MCF2L: variants seen among roughly 807,000 people sequenced by gnomAD.
The protein encoded by MCF2L is guanine nucleotide exchange factor DBS.
MCF2L carries 97 observed loss-of-function variants against 153.4 expected under a neutral mutation model. The ratio of observed to expected loss-of-function variants is 0.63; its 90% CI spans 0.54 to 0.75. The LOEUF is 0.75. Ranked by LOEUF, MCF2L falls within the 30% of genes least tolerant of loss-of-function variation. The pLI is 0.00. For missense variants in MCF2L, 1,347 were observed against 1,495.2 expected (o/e 0.90, Z 1.64); for synonymous variants, 659 against 632.2 (o/e 1.04, Z -0.64).
intron 1 of MCF2L, among the ~76,000 whole-genome samples, chr13:112,981,575 C>T (rs752938342): frequency 6.6e-6 from 1 of 152,190 alleles, no homozygotes; most frequent in African/African-American, 2.4e-5. Context: ...CTGGGTGGAG[C>T]GGCCTCCGCG....
chr13:113,047,408 T>G (rs2141558319), intron 4 of MCF2L: 1 of 152,314 alleles, frequency 6.6e-6, no homozygotes, highest in South Asian at 2.1e-4. Context: ...TAGGCAACTC[T>G]AAAAATTAAA....
chr13:113,077,788 C>T lies in MCF2L; in HGVS notation c.1661-575C>T, dbSNP rs943018714. On this transcript the variant is annotated intron_variant, in intron 13 of 29. Coordinates refer to ENST00000535094, the MANE Select transcript of MCF2L (RefSeq NM_001112732.3). ...CGCCACCTCTGTGTCTCAAAACGAA[C>T]CCTCTTCCCATCCTTGCTGGTTTCT... is the stretch of plus-strand genomic sequence containing the variant. Among the ~76,000 whole-genome samples the T allele has an allele frequency of 2.6e-5, 4 of 152,226 alleles. No individual in the cohort carries two copies. The East Asian group carries it at 7.7e-4, about 29-fold the overall frequency.
chr13:112,914,525 G>C (rs1054123253), intron 2 of MCF2L, among the ~76,000 whole-genome samples: 2 of 152,218 alleles, frequency 1.3e-5, no homozygotes, highest in African/African-American at 4.8e-5. Flanking sequence ...AAGAATAAAG[G>C]CTTTTTGACA....
rs150738778 is a variant in MCF2L at position 112,917,041 on chromosome 13, C to T, written c.169+14670C>T. ...CTCATCGCCAAGTCTGAGTTCTCCC[C>T]GGATTCCTGTCAACTCAAAGGTGCT... On this transcript the variant is annotated intron_variant, in intron 2 of 29. Coordinates refer to the MCF2L transcript ENST00000375608. The T allele has an allele frequency of 1.1e-3, 535 of 470,426 alleles. 1 individual carries two copies. The highest frequency in any genetic ancestry group is 2.3e-3 in the African/African-American group (116 of 50,182). 29.1% of individuals were successfully genotyped at this position (470,426 alleles called of 1,614,324 possible). A position where few individuals can be genotyped will look rare whatever the true frequency, so the allele number is the denominator to read the frequency against.
At chr13:113,082,363 GC>G in intron 16 of MCF2L, 63 bp from the exon 17 acceptor site, 2 of 945,532 alleles carry the variant, frequency 2.1e-6, no homozygotes, top group African/African-American at 1.6e-5. Context: ...GGCATCCCTG[GC>G]CCACCTGCCC....
intron 26 of MCF2L, chr13:113,091,018 G>A (rs868461274): frequency 1.9e-5 from 24 of 1,278,770 alleles, no homozygotes; most frequent in South Asian, 1.0e-4. Flanking sequence ...CCACAACGTC[G>A]GTGTCCCCTT....
intron 2 of MCF2L, among the ~76,000 whole-genome samples, chr13:113,019,591 C>T (rs1237441184): frequency 1.3e-5 from 2 of 152,212 alleles, no homozygotes; most frequent in African/African-American, 2.4e-5. Context: ...CAGAGTCGCA[C>T]GTGCTCCTTT....
At chr13:112,920,221 G>A (rs1279716573) in intron 2 of MCF2L, among the ~76,000 whole-genome samples, 3 of 152,220 alleles carry the variant, frequency 2.0e-5, no homozygotes, top group Admixed American at 6.5e-5. Context: ...TGGCGGAGAG[G>A]TGGGAGGAGG....
At chr13:112,970,247 A>G (rs2081992445) in intron 1 of MCF2L, among the ~76,000 whole-genome samples, 1 of 152,198 alleles carries the variant, frequency 6.6e-6, no homozygotes, top group Non-Finnish European at 1.5e-5. Context: ...GTTATGTCAT[A>G]TATGCCATTA....
intron 2 of MCF2L, among the ~76,000 whole-genome samples, chr13:112,948,329 T>C (rs1166195061): frequency 6.6e-6 from 1 of 152,234 alleles, no homozygotes; most frequent in Non-Finnish European, 1.5e-5. Context: ...TTTTTAAATC[T>C]TTATATTCTG....
At chr13:112,899,518 C>T (rs539364278) in intron 1 of MCF2L, among the ~76,000 whole-genome samples, 57 of 152,344 alleles carry the variant, frequency 3.7e-4, no homozygotes, top group Admixed American at 7.8e-4. Flanking sequence ...GGAGAAACAG[C>T]AGTTTCCAGA....
intron 17 of MCF2L, among the ~76,000 whole-genome samples, chr13:113,082,830 C>T (rs521720): frequency 0.79 from 120,353 of 152,050 alleles, 48,638 homozygotes; most frequent in East Asian, 1. Context: ...TTTTGTGGTG[C>T]AGGAAATGGG....
intron 2 of MCF2L, among the ~76,000 whole-genome samples, chr13:113,017,699 G>A (rs1467136776): frequency 6.6e-6 from 1 of 151,928 alleles, no homozygotes; most frequent in African/African-American, 2.4e-5. Flanking sequence ...CGCTCCACTC[G>A]AAGGAAACAC....
chr13:113,091,567 C>T (rs557821511), intron 26 of MCF2L, among the ~76,000 whole-genome samples: 12 of 152,334 alleles, frequency 7.9e-5, no homozygotes, highest in African/African-American at 2.9e-4. Flanking sequence ...CCCTGTGGCA[C>T]AGTTTGCCCC....
At chr13:112,921,881 A>G (rs1475453083) in intron 2 of MCF2L, among the ~76,000 whole-genome samples, 4 of 152,236 alleles carry the variant, frequency 2.6e-5, no homozygotes, top group African/African-American at 9.6e-5. Context: ...GGAGGATTAT[A>G]TCAATACTTA....
rs938417497 is a variant in MCF2L at position 113,074,057 on chromosome 13, C to T, written c.997-387C>T. ...TACATAACTCTCCACACCTAGGATC[C>T]AGTAGGAATGCTGACAATTCCAGTG... On this transcript the variant is annotated intron_variant, in intron 9 of 29. Coordinates refer to ENST00000535094, the MANE Select transcript of MCF2L (RefSeq NM_001112732.3). This position sits in a 1 kb window ranked among gnomAD's most constrained non-coding sequence, Gnocchi z 4.2. Among the ~76,000 whole-genome samples the T allele has an allele frequency of 3.3e-5, 5 of 152,228 alleles. No homozygotes were observed. Among genetic ancestry groups the T allele is most frequent in the African/African-American group, 1.2e-4 (5 of 41,448 alleles).
intron 2 of MCF2L, among the ~76,000 whole-genome samples, chr13:112,927,803 T>C (rs1225300845): frequency 6.6e-6 from 1 of 152,116 alleles, no homozygotes; most frequent in Admixed American, 6.5e-5. Flanking sequence ...AAAACCCACC[T>C]CATGTGAAGC....
At chr13:113,075,382 CTTT>C (rs35309929) in intron 11 of MCF2L, among the ~76,000 whole-genome samples, 193 bp downstream of exon 11, 19 of 144,350 alleles carry the variant, frequency 1.3e-4, no homozygotes, top group Admixed American at 1.2e-3. Context: ...AGTTTTATTT[CTTT>C]TTTTTTTTTT....
At chr13:113,017,022 G>T (rs1023156580) in intron 2 of MCF2L, among the ~76,000 whole-genome samples, 3 of 152,238 alleles carry the variant, frequency 2.0e-5, no homozygotes, top group Admixed American at 6.5e-5. Context: ...TCAGGATCCA[G>T]GTCGTAGCAG....
Sources: gnomAD v4.1 joint callset for allele counts (sites outside exome capture counted in the v4.1 genomes callset) on GRCh38, gnomAD v4.1.1 for gene constraint, Gnocchi (gnomAD v3.1) non-coding constraint, MANE v1.5 for transcripts, NCBI Gene and HGNC (gene_info 2026-07-23, HGNC 2026-07-21) for gene names.